The following WDFY2 variants were observed in gnomAD, a reference collection of about 807,000 sequenced individuals.
WDFY2 encodes WD repeat and FYVE domain containing 2.
In WDFY2, 36 loss-of-function variants were observed where a neutral mutation model predicts 56.4. The observed-to-expected ratio is 0.64, with a 90% confidence interval of 0.49 to 0.84. The LOEUF is 0.84. Ranked by LOEUF, WDFY2 falls within the 40% of genes least tolerant of loss-of-function variation. The pLI, the probability that WDFY2 is intolerant of heterozygous loss-of-function variation, is 0.00. For missense variants in WDFY2, 444 were observed against 512.2 expected (o/e 0.87, Z 1.29); for synonymous variants, 176 against 183.7 (o/e 0.96, Z 0.34).
At chr13:51,720,286 G>T (rs1398574811) in intron 5 of WDFY2, among the ~76,000 whole-genome samples, 1 of 152,116 alleles carries the variant, frequency 6.6e-6, no homozygotes, top group Non-Finnish European at 1.5e-5. Flanking sequence ...GTATATATAT[G>T]CTAATATCAC....
At chr13:51,733,203 G>GT (rs1229148054) in intron 6 of WDFY2, among the ~76,000 whole-genome samples, 3 of 152,034 alleles carry the variant, frequency 2.0e-5, no homozygotes, top group Non-Finnish European at 4.4e-5. Flanking sequence ...ACCCATCAAA[G>GT]TTTTTTTATT....
chr13:51,744,982 T>G (rs1446460382), intron 7 of WDFY2, among the ~76,000 whole-genome samples: 1 of 152,242 alleles, frequency 6.6e-6, no homozygotes, highest in African/African-American at 2.4e-5. Flanking sequence ...TGTTTCACTC[T>G]TCTATGTTGG....
At chr13:51,618,986 G>T (rs1490893939) in intron 1 of WDFY2, among the ~76,000 whole-genome samples, 1 of 152,246 alleles carries the variant, frequency 6.6e-6, no homozygotes, top group Non-Finnish European at 1.5e-5. Flanking sequence ...AACCAAATCT[G>T]TGATCCCCTT....
chr13:51,686,233 T>C (rs1290041399), intron 3 of WDFY2, among the ~76,000 whole-genome samples: 1 of 152,138 alleles, frequency 6.6e-6, no homozygotes, highest in Admixed American at 6.6e-5. Context: ...GTTGGTTAAC[T>C]TCACATACTC....
chr13:51,697,011 T>C (rs772688585), intron 3 of WDFY2, among the ~76,000 whole-genome samples: 2 of 152,074 alleles, frequency 1.3e-5, no homozygotes, highest in Non-Finnish European at 2.9e-5. Flanking sequence ...AGAAAAGTCA[T>C]GAAAGAGGAA....
intron 1 of WDFY2, among the ~76,000 whole-genome samples, chr13:51,637,982 G>A (rs896248892): frequency 2.0e-5 from 3 of 152,160 alleles, no homozygotes; most frequent in African/African-American, 4.8e-5. Context: ...AACTTTCTGC[G>A]AATGCAGCCC....
chr13:51,726,735 G>A (rs1952613534), intron 5 of WDFY2, among the ~76,000 whole-genome samples: 2 of 152,188 alleles, frequency 1.3e-5, no homozygotes, highest in Admixed American at 6.5e-5. Flanking sequence ...CACAGTCAGA[G>A]CTGCTGTGTT....
In WDFY2 at chr13:51,679,756, CAT is replaced by C. The variant is rs1227046004; in HGVS notation, c.279+4514_279+4515del. Among the ~76,000 whole-genome samples the C allele has an allele frequency of 9.2e-5, 14 of 152,182 alleles. 1 individual carries two copies. The South Asian group carries it at 2.3e-3, about 25-fold the overall frequency. On this transcript the variant is annotated intron_variant, in intron 3 of 11. Coordinates refer to ENST00000298125, the MANE Select transcript of WDFY2 (RefSeq NM_052950.4). Reference sequence around the variant, plus strand: ...TCTGAAATCAGGGTGTCAGGAGGGCCATGCTCCTTCTGAAAGCTGTAGAACAT... The same window carrying C: ...TCTGAAATCAGGGTGTCAGGAGGGCCGCTCCTTCTGAAAGCTGTAGAACAT...
At position 51,667,418 on chromosome 13, in the gene WDFY2, G is replaced by A. The variant is rs763136858; in HGVS notation, c.205+6755G>A. On this transcript the variant is annotated intron_variant, in intron 2 of 11. Transcript: ENST00000298125. ...TTTCCCATTGGTAAGGAGGACTTTC[G>A]GTAACTTCAGAATGTGGAGGTGGTG... Among the ~76,000 whole-genome samples the A allele has an allele frequency of 3.3e-5, 5 of 152,224 alleles. No individual in the cohort carries two copies. In the East Asian group the frequency reaches 7.7e-4, roughly 23 times the overall value.
rs77775442 is a variant in WDFY2 at position 51,661,882 on chromosome 13, C to G, written c.205+1219C>G. Among the ~76,000 whole-genome samples the G allele has an allele frequency of 4.7e-4, 72 of 152,218 alleles. 1 individual carries two copies. In the East Asian group the frequency reaches 0.014, roughly 29 times the overall value. On this transcript the variant is annotated intron_variant, in intron 2 of 11. Coordinates refer to ENST00000298125, the MANE Select transcript of WDFY2 (RefSeq NM_052950.4). ...ACATTACAGGATCAAGCTGAACTTT[C>G]TTTTTAAGCCATGGCGGTGATGAGG...
intron 1 of WDFY2, among the ~76,000 whole-genome samples, chr13:51,610,239 T>A (rs1198663925): frequency 1.4e-5 from 2 of 144,366 alleles, no homozygotes; most frequent in Non-Finnish European, 3.0e-5. Context: ...CTTATTTGAC[T>A]GTTTTTTTTT....
At chr13:51,616,139 A>G (rs563759196) in intron 1 of WDFY2, among the ~76,000 whole-genome samples, 28 of 152,248 alleles carry the variant, frequency 1.8e-4, no homozygotes, top group African/African-American at 6.7e-4. Flanking sequence ...GGGCGGACTG[A>G]GGTGGGGGGA....
At chr13:51,649,489 T>TA (rs1322212409) in intron 1 of WDFY2, among the ~76,000 whole-genome samples, 2 of 151,670 alleles carry the variant, frequency 1.3e-5, no homozygotes, top group Non-Finnish European at 2.9e-5. Context: ...GTTTGTTACA[T>TA]ATGTATACAT....
Position 51,756,354 on chromosome 13 carries a change from A to G in WDFY2, c.956A>G (p.Lys319Arg). ...CAGCACCACTGCCGCAAGTGTGGGA[A>G]GGCCGTCTGTGGCAAGTGCAGCTCC... Reference protein sequence around the residue: ...LRQHHCRKCGKAVCGKCSSKR... With the variant: ...LRQHHCRKCGRAVCGKCSSKR... Residue 319 changes from lysine to arginine, a missense_variant, in exon 10 of 12, where the codon AAG (lysine) becomes AGG (arginine). Physicochemically the swap from Lys to Arg is conservative, Grantham distance 26 (BLOSUM62 2). Transcript: ENST00000298125. 7 of 1,613,846 alleles carry G rather than the reference A, an allele frequency of 4.3e-6. No homozygotes were observed. The highest frequency in any genetic ancestry group is 5.9e-6 in the Non-Finnish European group (7 of 1,179,826).
chr13:51,601,983 T>C (rs560799426), intron 1 of WDFY2, among the ~76,000 whole-genome samples: 17 of 152,342 alleles, frequency 1.1e-4, no homozygotes, highest in African/African-American at 4.1e-4. Flanking sequence ...TTTAAACCCT[T>C]GCAACTCCCT....
At chr13:51,660,720 C>A in intron 2 of WDFY2, 57 bp downstream of exon 2, 2 of 1,505,342 alleles carry the variant, frequency 1.3e-6, no homozygotes, top group Non-Finnish European at 1.8e-6. Context: ...AGATTGCCTT[C>A]TCTGTATTTT....
At chr13:51,752,462 G>C (rs1051907229) in intron 8 of WDFY2, among the ~76,000 whole-genome samples, 4 of 152,212 alleles carry the variant, frequency 2.6e-5, no homozygotes, top group African/African-American at 9.6e-5. Flanking sequence ...TATGTCCTGG[G>C]TTGGGTTCTG....
intron 3 of WDFY2, among the ~76,000 whole-genome samples, chr13:51,693,052 AT>A (rs1398187610): frequency 6.6e-6 from 1 of 151,928 alleles, no homozygotes; most frequent in Admixed American, 6.6e-5. Flanking sequence ...CCCCTTTATC[AT>A]TTTTTATTGC....
At chr13:51,737,337 A>C (rs557936916) in intron 6 of WDFY2, among the ~76,000 whole-genome samples, 3 of 152,282 alleles carry the variant, frequency 2.0e-5, no homozygotes, top group African/African-American at 7.2e-5. Context: ...AATAGATGTC[A>C]TATGCCTGTT....
Sources: allele counts gnomAD v4.1 joint callset (sites outside exome capture counted in the v4.1 genomes callset), GRCh38; gene constraint gnomAD v4.1.1; transcripts MANE v1.5; gene names NCBI Gene and HGNC (gene_info 2026-07-23, HGNC 2026-07-21).